Variants in PTPRM observed in about 807,000 individuals in gnomAD.
PTPRM encodes the protein protein tyrosine phosphatase receptor type M, also known as receptor-type tyrosine-protein phosphatase mu.
In PTPRM, 47 loss-of-function variants were observed where a neutral mutation model predicts 186.7. The ratio of observed to expected loss-of-function variants is 0.25; its 90% CI spans 0.20 to 0.32. The LOEUF (loss-of-function observed/expected upper bound fraction) is 0.32, where lower values mean the gene tolerates loss of function less well. Among genes scored for constraint, PTPRM ranks in the 10% least tolerant of loss-of-function variants. The probability of loss-of-function intolerance (pLI) is 1.00; values close to 1 mark genes in which losing one functional copy is unlikely to be tolerated. For synonymous variants in PTPRM, 668 were observed against 674.9 expected, an observed-to-expected ratio of 0.99 and a Z score of 0.16; for missense variants, 1,494 against 1,865.0, an observed-to-expected ratio of 0.80 and a Z score of 3.66.
chr18:8,118,597 C>T (rs2092045747), intron 13 of PTPRM, among the ~76,000 whole-genome samples: 1 of 152,052 alleles, frequency 6.6e-6, no homozygotes, highest in African/African-American at 2.4e-5. Context: ...GTCAGGAGTT[C>T]AAGACCAGCC....
intron 1 of PTPRM, among the ~76,000 whole-genome samples, chr18:7,770,355 G>A (rs1214151933): frequency 6.6e-6 from 1 of 152,136 alleles, no homozygotes; most frequent in Non-Finnish European, 1.5e-5. Flanking sequence ...CTATGTGAAT[G>A]CTCACAACTC....
intron 1 of PTPRM, among the ~76,000 whole-genome samples, chr18:7,610,285 A>G (rs1473928608): frequency 6.6e-6 from 1 of 152,198 alleles, no homozygotes; most frequent in Non-Finnish European, 1.5e-5. Context: ...GATTATTCTC[A>G]GCCAACATGA....
At chr18:7,819,200 T>G (rs1333459661) in intron 2 of PTPRM, among the ~76,000 whole-genome samples, 2 of 152,090 alleles carry the variant, frequency 1.3e-5, no homozygotes, top group African/African-American at 4.8e-5. Flanking sequence ...CCTGTGCCTG[T>G]GGACATAGGT....
At chr18:8,098,386 T>C (rs546048265) in intron 11 of PTPRM, among the ~76,000 whole-genome samples, 1 of 152,344 alleles carries the variant, frequency 6.6e-6, no homozygotes, top group Admixed American at 6.5e-5. Context: ...TAAATGTTTA[T>C]TGAATGAACC....
intron 1 of PTPRM, among the ~76,000 whole-genome samples, chr18:7,665,495 A>G (rs575385113): frequency 6.6e-6 from 1 of 152,350 alleles, no homozygotes; most frequent in East Asian, 1.9e-4. Context: ...ATAGTGCTTC[A>G]AAGATTGGGA....
chr18:7,941,713 G>A (rs965714075), intron 5 of PTPRM, among the ~76,000 whole-genome samples: 1 of 152,186 alleles, frequency 6.6e-6, no homozygotes, highest in South Asian at 2.1e-4. Flanking sequence ...TGGTGCCAAC[G>A]AGCAGCTGCG....
chr18:8,240,818 GAGAGAGAGAA>G (rs766081733), intron 14 of PTPRM, among the ~76,000 whole-genome samples: 2,714 of 31,832 alleles, frequency 0.085, 126 homozygotes, highest in Non-Finnish European at 0.12. Context: ...GAGAGAGAGA[GAGAGAGAGAA>G]AGAAAGAAAG....
intron 21 of PTPRM, among the ~76,000 whole-genome samples, chr18:8,316,386 C>T (rs1377658513): frequency 6.6e-6 from 1 of 152,140 alleles, no homozygotes; most frequent in Non-Finnish European, 1.5e-5. Flanking sequence ...TTTGAATAAG[C>T]TTTAACCGGT....
intron 7 of PTPRM, among the ~76,000 whole-genome samples, chr18:7,963,607 A>G (rs2053825126): frequency 6.6e-6 from 1 of 152,198 alleles, no homozygotes; most frequent in Admixed American, 6.5e-5. Context: ...CTTTGAATAC[A>G]CTGAGGAGGC....
chr18:7,679,641 G>T (rs900218230), intron 1 of PTPRM, among the ~76,000 whole-genome samples: 3 of 152,050 alleles, frequency 2.0e-5, no homozygotes, highest in Non-Finnish European at 4.4e-5. Context: ...GTCCAGCCTC[G>T]GCGACAGAGT....
intron 20 of PTPRM, among the ~76,000 whole-genome samples, chr18:8,302,636 T>C (rs2095171881): frequency 6.6e-6 from 1 of 151,892 alleles, no homozygotes; most frequent in Non-Finnish European, 1.5e-5. Flanking sequence ...AATAAGTAGA[T>C]GAATTCAGAA....
intron 2 of PTPRM, among the ~76,000 whole-genome samples, chr18:7,884,275 G>A (rs1021744995): frequency 1.1e-4 from 16 of 152,184 alleles, no homozygotes; most frequent in Admixed American, 3.9e-4. Flanking sequence ...CGCTTGCCTT[G>A]TATGCATTCG....
intron 1 of PTPRM, among the ~76,000 whole-genome samples, chr18:7,643,083 A>T (rs1414487776): frequency 1.3e-5 from 2 of 152,008 alleles, no homozygotes; most frequent in African/African-American, 4.8e-5. Flanking sequence ...GATATTCCTT[A>T]TGCTCTGGTA....
At chr18:8,074,319 G>C (rs2089670693) in intron 8 of PTPRM, among the ~76,000 whole-genome samples, 1 of 152,132 alleles carries the variant, frequency 6.6e-6, no homozygotes, top group Non-Finnish European at 1.5e-5. Flanking sequence ...AAATATTTGG[G>C]TTGTTTTCAC....
intron 2 of PTPRM, among the ~76,000 whole-genome samples, chr18:7,784,496 G>A (rs189319759): frequency 1.0e-3 from 153 of 152,172 alleles, no homozygotes; most frequent in African/African-American, 3.5e-3. Context: ...ACCCACCATC[G>A]TCACTCAACA....
intron 19 of PTPRM, among the ~76,000 whole-genome samples, chr18:8,264,595 G>A (rs972819568): frequency 2.6e-5 from 4 of 151,952 alleles, no homozygotes; most frequent in East Asian, 1.9e-4. Flanking sequence ...ACAGCGAAAC[G>A]CTGTCTCTAC....
chr18:8,253,606 G>A (rs1302670313), intron 19 of PTPRM, among the ~76,000 whole-genome samples, 192 bp downstream of exon 19: 1 of 152,050 alleles, frequency 6.6e-6, no homozygotes, highest in African/African-American at 2.4e-5. Flanking sequence ...CCAAGTCCCG[G>A]TGTGAGCCCT....
chr18:7,836,167 C>CT (rs1308308270), intron 2 of PTPRM, among the ~76,000 whole-genome samples: 1 of 151,988 alleles, frequency 6.6e-6, no homozygotes, highest in Non-Finnish European at 1.5e-5. Flanking sequence ...GTGATCTTCT[C>CT]TTATTTCTTT....
chr18:8,378,211 T>A, intron 26 of PTPRM, 54 bp from the exon 27 acceptor site: 1 of 1,521,328 alleles, frequency 6.6e-7, no homozygotes, highest in Non-Finnish European at 9.1e-7. Context: ...GATACCGTCT[T>A]TCCTCCTTCT....
Sources: gnomAD v4.1 joint callset for allele counts (sites outside exome capture counted in the v4.1 genomes callset) on GRCh38, gnomAD v4.1.1 for gene constraint, MANE v1.5 for transcripts, NCBI Gene and HGNC (gene_info 2026-07-23, HGNC 2026-07-21) for gene names.